AGK: variants seen among roughly 807,000 people sequenced by gnomAD.
AGK encodes acylglycerol kinase.
In AGK, 52 loss-of-function variants were observed where a neutral mutation model predicts 66.4. That is an observed-to-expected ratio of 0.78 (90% CI 0.63 to 0.99). The LOEUF (loss-of-function observed/expected upper bound fraction) is 0.99. Ranked by LOEUF, AGK falls within the 50% of genes least tolerant of loss-of-function variation. AGK has a pLI of 0.00. For missense variants in AGK, 451 were observed against 506.6 expected (o/e 0.89, Z 1.05); for synonymous variants, 182 against 181.1 (o/e 1.00, Z -0.04).
chr7:141,561,961 C>T (rs1165717470), intron 2 of AGK: 10 of 436,420 alleles, frequency 2.3e-5, no homozygotes, highest in Non-Finnish European at 3.7e-5. Context: ...GCAGGGATAG[C>T]GGGCTCTAGG....
chr7:141,652,792 A>G lies in AGK; in HGVS notation c.1137A>G (p.Ala379=). 6.2e-7 allele frequency: 1 copy of G among 1,613,132 alleles called. No individual in the cohort carries two copies. The highest frequency in any genetic ancestry group is 8.5e-7 in the Non-Finnish European group (1 of 1,179,946). ...GAATATTCTCTTCTCCCCAGGGAGC[A>G]GGGGGCTCTTTTAGCATTGACAGTG... The part of the protein sequence containing the change: ...SQCTLLIPEG[A]GGSFSIDSEE... The change falls in exon 16 of 16, where the codon GCA becomes GCG. Residue 379 remains alanine, a synonymous_variant. Transcript: ENST00000649286.
chr7:141,596,496 A>C (rs1042069165), intron 3 of AGK, 66 bp from the exon 4 acceptor site: 23 of 1,415,400 alleles, frequency 1.6e-5, no homozygotes, highest in African/African-American at 1.4e-5. Flanking sequence ...TTGGAATGAA[A>C]GAATACATGT....
At chr7:141,556,331 G>A (rs1183610806) in intron 2 of AGK, among the ~76,000 whole-genome samples, 1 of 152,004 alleles carries the variant, frequency 6.6e-6, no homozygotes, top group African/African-American at 2.4e-5. Context: ...TGGATCATTT[G>A]AGGTCAGGAG....
intron 3 of AGK, chr7:141,593,529 C>T (rs2116922369): frequency 1.6e-6 from 1 of 607,134 alleles, no homozygotes. Context: ...CTGAATAACC[C>T]CCAAGGATAT....
At chr7:141,610,873 G>A (rs993708083) in intron 5 of AGK, among the ~76,000 whole-genome samples, 1 of 152,120 alleles carries the variant, frequency 6.6e-6, no homozygotes, top group African/African-American at 2.4e-5. Context: ...TTCCTATAAA[G>A]GATGTAATAG....
chr7:141,645,962 A>C (rs185733260), intron 13 of AGK, among the ~76,000 whole-genome samples: 4 of 152,292 alleles, frequency 2.6e-5, no homozygotes, highest in Non-Finnish European at 5.9e-5. Flanking sequence ...AGACATTGGT[A>C]TGAGACAAGC....
In AGK at chr7:141,578,847, G is replaced by A. The variant is rs534951489; in HGVS notation, c.102-14299G>A. Among the ~76,000 whole-genome samples the A allele has an allele frequency of 1.7e-3, 261 of 152,142 alleles. 2 individuals are homozygous for A. Among genetic ancestry groups the A allele is most frequent in the South Asian group, 0.01 (49 of 4,834 alleles). On this transcript the variant is annotated intron_variant, in intron 2 of 15. Coordinates refer to ENST00000649286, the MANE Select transcript of AGK (RefSeq NM_018238.4). ...AGTCCAGGACATCCAATTAGAGAGT[G>A]CCCAAGGAGGGTCAGCATAGCCCTG... is the stretch of plus-strand genomic sequence containing the variant.
intron 9 of AGK, among the ~76,000 whole-genome samples, chr7:141,624,559 A>G (rs140132039): frequency 0.01 from 1,543 of 152,314 alleles, 27 homozygotes; most frequent in African/African-American, 0.035. Flanking sequence ...GGGGTTCAAG[A>G]TTTCAGTGGA....
Position 141,651,609 on chromosome 7 carries a change from G to A in AGK, c.1131G>A (p.Glu377=). The change falls in exon 15 of 16, where the codon GAG becomes GAA. Residue 377 remains glutamate, a splice_region_variant and synonymous_variant. Coordinates refer to ENST00000649286, the MANE Select transcript of AGK (RefSeq NM_018238.4). ...QASQCTLLIP[E]GAGGSFSIDS... is the part of the protein sequence containing the mutation. The stretch of plus-strand genomic sequence containing the variant: ...GCCAGTGCACTTTGCTTATCCCGGA[G>A]GTGAGTGGGGAAGGGGTCGGTAGTC... 1 of 1,614,158 alleles carries A rather than the reference G, an allele frequency of 6.2e-7. No homozygotes were observed. The highest frequency in any genetic ancestry group is 8.5e-7 in the Non-Finnish European group (1 of 1,179,958).
At chr7:141,562,337 A>G (rs765903182) in intron 2 of AGK, among the ~76,000 whole-genome samples, 2 of 152,202 alleles carry the variant, frequency 1.3e-5, no homozygotes, top group Non-Finnish European at 2.9e-5. Context: ...CTGCGGTAGT[A>G]ATAGTGGGAT....
chr7:141,601,214 G>A lies in AGK; in HGVS notation c.231G>A (p.Arg77=). 2 of 1,611,762 alleles carry A rather than the reference G, an allele frequency of 1.2e-6. No homozygotes were observed. The highest frequency in any genetic ancestry group is 2.2e-5 in the East Asian group (1 of 44,784). ...TTTCCTTTGTTAACAGAAAAGCCAG[G>A]ACTCTATTTGAAAAAAATGCTGCCC... ...LNPAACKGKA[R]TLFEKNAAPI... is the part of the protein sequence containing the mutation. The change falls in exon 5 of 16, where the codon AGG becomes AGA. Residue 77 remains arginine (R), a synonymous_variant. Transcript: ENST00000649286.
chr7:141,621,944 A>G, intron 9 of AGK, 143 bp downstream of exon 9: 1 of 612,612 alleles, frequency 1.6e-6, no homozygotes, highest in South Asian at 2.1e-5. Context: ...ATTAGTCCCC[A>G]GAGGAAATAA....
chr7:141,644,659 GTAT>G (rs1273192560), intron 13 of AGK, among the ~76,000 whole-genome samples: 2 of 152,094 alleles, frequency 1.3e-5, no homozygotes. Context: ...TTTTATATAT[GTAT>G]TATTTTCTAT....
At chr7:141,643,552 T>C (rs998038014) in intron 13 of AGK, among the ~76,000 whole-genome samples, 5 of 152,156 alleles carry the variant, frequency 3.3e-5, no homozygotes, top group Non-Finnish European at 5.9e-5. Flanking sequence ...GGAATTCACT[T>C]TCCTTTTAAC....
intron 2 of AGK, among the ~76,000 whole-genome samples, chr7:141,567,958 G>A (rs536096077): frequency 5.9e-5 from 9 of 152,316 alleles, no homozygotes; most frequent in African/African-American, 2.2e-4. Context: ...GTCACTGAAG[G>A]ATTGATTAAG....
intron 13 of AGK, among the ~76,000 whole-genome samples, chr7:141,642,715 T>C (rs1797316602): frequency 6.6e-6 from 1 of 152,190 alleles, no homozygotes; most frequent in Non-Finnish European, 1.5e-5. Context: ...ATAATTTTTG[T>C]GAACAGAAAA....
chr7:141,640,295 C>A (rs947889866), intron 11 of AGK, among the ~76,000 whole-genome samples: 2 of 152,022 alleles, frequency 1.3e-5, no homozygotes, highest in African/African-American at 4.8e-5. Flanking sequence ...CTAATTTTCA[C>A]CACATGAAAA....
At chr7:141,638,996 G>C (rs1311550660) in intron 11 of AGK, among the ~76,000 whole-genome samples, 1 of 152,092 alleles carries the variant, frequency 6.6e-6, no homozygotes, top group Non-Finnish European at 1.5e-5. Context: ...ATCCCTAAGG[G>C]ACATAAACAT....
intron 2 of AGK, among the ~76,000 whole-genome samples, chr7:141,587,055 G>A (rs777211620): frequency 6.6e-6 from 1 of 152,194 alleles, no homozygotes; most frequent in Non-Finnish European, 1.5e-5. Context: ...GACAGACCCA[G>A]AACTAAGCTC....
Sources: gnomAD v4.1 joint callset for allele counts (sites outside exome capture counted in the v4.1 genomes callset) on GRCh38, gnomAD v4.1.1 for gene constraint, MANE v1.5 for transcripts, NCBI Gene and HGNC (gene_info 2026-07-23, HGNC 2026-07-21) for gene names.